UBXN2A: variants seen among roughly 807,000 people sequenced by gnomAD.
UBXN2A encodes the protein UBX domain-containing protein 2A.
A neutral mutation model predicts 28.4 loss-of-function variants in UBXN2A; 28 were observed. The observed-to-expected ratio is 0.99, with a 90% CI of 0.73 to 1.35. The LOEUF is 1.35. UBXN2A is among the 40% of genes most tolerant of loss of function. UBXN2A has a pLI of 0.00. For synonymous variants in UBXN2A, 97 were observed against 103.6 expected, an observed-to-expected ratio of 0.94 and a Z score of 0.39; for missense variants, 253 against 297.9, an observed-to-expected ratio of 0.85 and a Z score of 1.11.
intron 1 of UBXN2A, among the ~76,000 whole-genome samples, chr2:23,941,698 C>T (rs1054916165): frequency 2.0e-5 from 3 of 152,132 alleles, no homozygotes; most frequent in Non-Finnish European, 2.9e-5. Context: ...CTACTGTGTA[C>T]TGAATGCTAA....
At position 23,971,270 on chromosome 2, in the gene UBXN2A, G is replaced by T. The variant is rs777252822; in HGVS notation, c.42-6G>T. The T allele has an allele frequency of 1.3e-6, 2 of 1,548,024 alleles. No individual in the cohort carries two copies. The highest frequency in any genetic ancestry group is 1.8e-6 in the Non-Finnish European group (2 of 1,137,164). On this transcript the variant is annotated splice_polypyrimidine_tract_variant and splice_region_variant and intron_variant, in intron 2 of 6. Transcript: ENST00000309033. ...AATAGTGCCTGTTTTTCTTTATCTT[G>T]TTTAGGGTTTGTGAAACAGGATCTG...
rs1184848393 is a variant in UBXN2A, at chr2:24,002,025, C to G, written c.*2158C>G. On this transcript the variant is annotated 3_prime_UTR_variant, in exon 7 of 7. Coordinates refer to ENST00000309033, the MANE Select transcript of UBXN2A (RefSeq NM_181713.4). ...GACATGGTGTCTCACGCCTGTAATC[C>G]TAGCACTTTGGGAGGCCAAGACAGG... 6.6e-6 allele frequency: 1 copy of G among 152,072 alleles called. No homozygotes were observed. The highest frequency in any genetic ancestry group is 1.5e-5 in the Non-Finnish European group (1 of 68,026). 9.4% of individuals were successfully genotyped at this position (152,072 alleles called of 1,614,324 possible).
intron 1 of UBXN2A, among the ~76,000 whole-genome samples, chr2:23,952,044 G>A (rs2150820303): frequency 6.8e-6 from 1 of 146,502 alleles, no homozygotes; most frequent in East Asian, 2.0e-4. Context: ...TCGGCTCACT[G>A]CAACTTCTGC....
intron 6 of UBXN2A, among the ~76,000 whole-genome samples, chr2:23,987,958 C>T (rs2150905740): frequency 6.6e-6 from 1 of 151,604 alleles, no homozygotes; most frequent in Non-Finnish European, 1.5e-5. Flanking sequence ...CCCATCTCTA[C>T]TAAAAATACA....
chr2:24,003,719 C>A lies in UBXN2A; in HGVS notation c.*3852C>A, dbSNP rs1708755805. On this transcript the variant is annotated 3_prime_UTR_variant, in exon 7 of 7. Transcript: ENST00000309033. ...TCTGTAGTGAAACAAAAATAATGTTCTTACCAAAAAAAAAAAAAAAAAAAA... is the reference window on the plus strand; with the variant it reads ...TCTGTAGTGAAACAAAAATAATGTTATTACCAAAAAAAAAAAAAAAAAAAA... 1 of 54,278 alleles carries A rather than the reference C, an allele frequency of 1.8e-5. No individual in the cohort carries two copies. The allele number at this position is 54,278 out of a possible 1,614,324, so 3.4% of individuals were successfully genotyped here.
At chr2:23,982,837 T>C in intron 4 of UBXN2A, 59 bp from the exon 5 acceptor site, 1 of 1,518,790 alleles carries the variant, frequency 6.6e-7, no homozygotes, top group Non-Finnish European at 8.8e-7. Flanking sequence ...GTACAGAATG[T>C]TTTTCAGAGA....
intron 1 of UBXN2A, among the ~76,000 whole-genome samples, chr2:23,956,601 CCTT>C (rs1706639514): frequency 6.6e-6 from 1 of 152,150 alleles, no homozygotes; most frequent in Non-Finnish European, 1.5e-5. Flanking sequence ...GATCCACCCT[CCTT>C]GGCCTCCCAA....
In UBXN2A at chr2:23,984,820, C is replaced by T; in HGVS notation, c.573C>T (p.Asn191=). ...ANGKRIVQKF[N]ITHRVSHIKD... ...GAAAAAGGATTGTCCAGAAATTTAACATTACTCATAGGTGAGTCTTCAATT... is the reference window on the plus strand; with the variant it reads ...GAAAAAGGATTGTCCAGAAATTTAATATTACTCATAGGTGAGTCTTCAATT... The change falls in exon 6 of 7, where the codon AAC becomes AAT. Residue 191 remains asparagine, a synonymous_variant. Transcript: ENST00000309033. 6.5e-7 allele frequency: 1 copy of T among 1,550,250 alleles called. No individual in the cohort carries two copies. Among genetic ancestry groups the T allele is most frequent in the South Asian group, 1.3e-5 (1 of 79,274 alleles).
intron 4 of UBXN2A, among the ~76,000 whole-genome samples, chr2:23,979,992 GTATATAGTTAA>G (rs774575774): frequency 6.6e-6 from 1 of 150,514 alleles, no homozygotes; most frequent in Non-Finnish European, 1.5e-5. Context: ...TCCCTTTGAA[GTATATAGTTAA>G]GTATTTTTAA....
rs1407990981 is a variant in UBXN2A, at chr2:23,961,841, C to T, written c.41+3486C>T. ...GATTACAGGTGTGAACCACCGCACCCGGCCTTTTTTTTTTATTTTTTGAGA... is the reference window on the plus strand; with the variant it reads ...GATTACAGGTGTGAACCACCGCACCTGGCCTTTTTTTTTTATTTTTTGAGA... On this transcript the variant is annotated intron_variant, in intron 2 of 6. Transcript: ENST00000309033. Among the ~76,000 whole-genome samples, 104 of 147,326 alleles carry T rather than the reference C, an allele frequency of 7.1e-4. 2 individuals are homozygous for T. Among genetic ancestry groups the T allele is most frequent in the Non-Finnish European group, 2.4e-4 (16 of 67,040 alleles).
intron 1 of UBXN2A, among the ~76,000 whole-genome samples, chr2:23,944,616 G>A (rs1705957611): frequency 6.6e-6 from 1 of 152,172 alleles, no homozygotes; most frequent in Non-Finnish European, 1.5e-5. Context: ...CCTAGAAGCA[G>A]TTATTCTCTC....
At chr2:23,986,984 T>G (rs536104614) in intron 6 of UBXN2A, among the ~76,000 whole-genome samples, 3 of 151,998 alleles carry the variant, frequency 2.0e-5, no homozygotes, top group Admixed American at 6.6e-5. Flanking sequence ...TGGGGACTAT[T>G]CAGGAGGCTG....
intron 2 of UBXN2A, among the ~76,000 whole-genome samples, chr2:23,967,930 C>CT (rs970967011): frequency 7.8e-4 from 113 of 144,498 alleles, no homozygotes; most frequent in East Asian, 7.4e-3. Flanking sequence ...TAGTGATGGC[C>CT]TTTTTTTTTT....
chr2:23,930,457 G>C lies in UBXN2A; in HGVS notation c.-138+2842G>C, dbSNP rs116905817. On this transcript the variant is annotated intron_variant, in intron 1 of 7. Coordinates refer to the UBXN2A transcript ENST00000404924. ...AATACAATGTGAAAAGAAAGAATGAGGCAGAGACCATTAATTCCAGCAGGG... is the reference window on the plus strand; with the variant it reads ...AATACAATGTGAAAAGAAAGAATGACGCAGAGACCATTAATTCCAGCAGGG... 1.6e-3 allele frequency among the ~76,000 whole-genome samples: 237 copies of C among 152,262 alleles called. 2 individuals carry two copies. The East Asian group carries it at 0.039, about 25-fold the overall frequency.
chr2:23,966,799 G>C (rs1292441396), intron 2 of UBXN2A, among the ~76,000 whole-genome samples: 1 of 144,886 alleles, frequency 6.9e-6, no homozygotes, highest in Non-Finnish European at 1.5e-5. Flanking sequence ...TTTTGAGATA[G>C]GGTCTTACTC....
chr2:23,984,868 C>A (rs570286124), intron 6 of UBXN2A, 37 bp downstream of exon 6: 2 of 1,527,000 alleles, frequency 1.3e-6, no homozygotes, highest in Non-Finnish European at 1.7e-6. Context: ...ATTTTTTCAC[C>A]AAGTTAAAAT....
chr2:23,934,574 T>C (rs1017136259), intron 1 of UBXN2A, among the ~76,000 whole-genome samples: 3 of 152,232 alleles, frequency 2.0e-5, no homozygotes, highest in African/African-American at 7.2e-5. Context: ...CGTCCTTCTA[T>C]GTGAATTCAA....
At chr2:23,992,773 C>A (rs1708399452) in intron 6 of UBXN2A, among the ~76,000 whole-genome samples, 2 of 152,196 alleles carry the variant, frequency 1.3e-5, no homozygotes, top group Non-Finnish European at 1.5e-5. Context: ...TTAATATGGT[C>A]ATAACAGCTT....
intron 3 of UBXN2A, among the ~76,000 whole-genome samples, chr2:23,976,121 C>T (rs946873192): frequency 6.6e-6 from 1 of 152,162 alleles, no homozygotes; most frequent in African/African-American, 2.4e-5. Flanking sequence ...CACCTCTTCC[C>T]ATTCTTCTAA....
Sources: allele counts gnomAD v4.1 joint callset (sites outside exome capture counted in the v4.1 genomes callset), GRCh38; gene constraint gnomAD v4.1.1; transcripts MANE v1.5; gene names NCBI Gene and HGNC (gene_info 2026-07-23, HGNC 2026-07-21).